Variants in TASP1 observed in about 807,000 individuals in gnomAD.
The protein encoded by TASP1 is threonine aspartase 1.
Under a neutral mutation model 56.6 loss-of-function variants are expected in TASP1, and 16 were observed. That is an observed-to-expected ratio of 0.28 (90% CI 0.19 to 0.43). TASP1 has a LOEUF of 0.43. TASP1 is among the 20% of genes least tolerant of loss of function. The pLI, the probability that TASP1 is intolerant of heterozygous loss-of-function variation, is 1.00. For synonymous variants in TASP1, 179 were observed against 184.2 expected (o/e 0.97, Z 0.23); for missense variants, 393 against 511.6 (o/e 0.77, Z 2.24).
chr20:13,273,503 G>A, the TASP1 span, among the ~76,000 whole-genome samples: 3 of 152,054 alleles, frequency 2.0e-5, no homozygotes, highest in East Asian at 3.9e-4. Flanking sequence ...CTCAAAATGC[G>A]GGGATTATAG....
chr20:13,333,838 C>T, the TASP1 span, among the ~76,000 whole-genome samples: 6 of 152,168 alleles, frequency 3.9e-5, no homozygotes, highest in African/African-American at 7.2e-5. Context: ...TTTAGCCTTT[C>T]GTTGAAGACT....
chr20:13,464,847 A>G (rs1375234103), intron 11 of TASP1, among the ~76,000 whole-genome samples: 2 of 152,126 alleles, frequency 1.3e-5, no homozygotes, highest in African/African-American at 4.8e-5. Context: ...GAAGATGCTT[A>G]ACCCTACAGA....
In TASP1 at chr20:13,428,155, G is replaced by A. The variant is rs13042741; in HGVS notation, c.1096+6889C>T. Among the ~76,000 whole-genome samples the A allele has an allele frequency of 3.5e-3, 537 of 152,156 alleles. 1 individual carries two copies. The highest frequency in any genetic ancestry group is 6.2e-3 in the Non-Finnish European group (421 of 68,000). ...ATATGGAATCTGTTTTTCATTGATC[G>A]CCACATTCACTGCTTCCTACTGACC... is the stretch of plus-strand genomic sequence containing the variant. On this transcript the variant is annotated intron_variant, in intron 12 of 13. Coordinates refer to ENST00000337743, the MANE Select transcript of TASP1 (RefSeq NM_017714.3).
At chr20:13,131,408 A>G in the TASP1 span, among the ~76,000 whole-genome samples, 1,553 of 152,278 alleles carry the variant, frequency 0.01, 18 homozygotes, top group African/African-American at 0.035. Context: ...TTCATTGCAA[A>G]TTAAAGGTTG....
chr20:13,287,623 C>G, the TASP1 span, among the ~76,000 whole-genome samples: 1 of 152,144 alleles, frequency 6.6e-6, no homozygotes, highest in Non-Finnish European at 1.5e-5. Context: ...TTTCTCTTTT[C>G]TCACTAAAAT....
At chr20:13,300,759 A>C in the TASP1 span, 1 of 152,236 alleles carries the variant, frequency 6.6e-6, no homozygotes, top group East Asian at 1.9e-4. Flanking sequence ...TAAAAGGCTC[A>C]TTCATTGATT....
chr20:13,544,594 A>C (rs2045741313), intron 8 of TASP1, among the ~76,000 whole-genome samples: 1 of 152,222 alleles, frequency 6.6e-6, no homozygotes, highest in African/African-American at 2.4e-5. Flanking sequence ...TACTGGGCAG[A>C]TTTAAAAATA....
chr20:13,133,502 G>A, the TASP1 span, among the ~76,000 whole-genome samples: 1 of 152,208 alleles, frequency 6.6e-6, no homozygotes, highest in East Asian at 1.9e-4. Flanking sequence ...GGGAGGCTGT[G>A]GTGAGTGGAT....
chr20:13,194,985 A>G, the TASP1 span, among the ~76,000 whole-genome samples: 1 of 152,070 alleles, frequency 6.6e-6, no homozygotes, highest in Non-Finnish European at 1.5e-5. Flanking sequence ...AGCAACCACA[A>G]TTTCTACTAG....
At chr20:13,525,464 C>T (rs2146835326) in intron 10 of TASP1, among the ~76,000 whole-genome samples, 1 of 152,284 alleles carries the variant, frequency 6.6e-6, no homozygotes, top group South Asian at 2.1e-4. Context: ...TTTCTCCTCA[C>T]CCAGTGATGA....
the TASP1 span, among the ~76,000 whole-genome samples, chr20:13,248,027 C>T: frequency 1.3e-5 from 2 of 152,158 alleles, no homozygotes; most frequent in Non-Finnish European, 2.9e-5. Flanking sequence ...TTTCCAAGTG[C>T]TGTGCAAACC....
chr20:13,311,471 A>G, the TASP1 span, among the ~76,000 whole-genome samples: 2 of 152,218 alleles, frequency 1.3e-5, no homozygotes, highest in South Asian at 2.1e-4. Flanking sequence ...TATGTGAAAG[A>G]GATATCTGCA....
Position 13,581,001 on chromosome 20 carries a change from A to T in TASP1, c.404-20T>A. ...TGATTCCTATAAAAAAAAAAAAAAA[A>T]TTGGCAAAAAAGATGTCAGAAATGT... On this transcript the variant is annotated intron_variant, in intron 5 of 13. Transcript: ENST00000337743. The T allele has an allele frequency of 2.5e-6, 4 of 1,573,370 alleles. No individual in the cohort carries two copies. The highest frequency in any genetic ancestry group is 1.1e-5 in the South Asian group (1 of 87,144).
At chr20:13,384,809 C>T (rs2041152372), downstream of TASP1, among the ~76,000 whole-genome samples, 1 of 152,186 alleles carries the variant, frequency 6.6e-6, no homozygotes, top group Non-Finnish European at 1.5e-5. Flanking sequence ...ACACATTAAT[C>T]ATATACACAG....
chr20:13,439,101 T>C (rs926990955), intron 11 of TASP1, among the ~76,000 whole-genome samples: 2 of 152,194 alleles, frequency 1.3e-5, no homozygotes, highest in Non-Finnish European at 2.9e-5. Context: ...AGTGTGGCGA[T>C]TCCTCAGGGA....
the TASP1 span, among the ~76,000 whole-genome samples, chr20:13,114,963 G>A: frequency 1.3e-5 from 2 of 152,308 alleles, no homozygotes; most frequent in African/African-American, 4.8e-5. Flanking sequence ...TGGCTTGCTG[G>A]TTTAAGAATA....
the TASP1 span, among the ~76,000 whole-genome samples, chr20:13,289,079 T>C: frequency 6.6e-6 from 1 of 152,162 alleles, no homozygotes. Flanking sequence ...AGGCAAGATG[T>C]AACTACTTTT....
chr20:13,597,409 T>A (rs2047778925), intron 4 of TASP1, among the ~76,000 whole-genome samples: 2 of 152,134 alleles, frequency 1.3e-5, no homozygotes, highest in Non-Finnish European at 2.9e-5. Flanking sequence ...ATCCATCACA[T>A]AAATAGAACC....
the TASP1 span, among the ~76,000 whole-genome samples, chr20:13,214,396 A>G: frequency 2.6e-5 from 4 of 152,068 alleles, no homozygotes; most frequent in Admixed American, 1.3e-4. Context: ...TAGGTCTACT[A>G]GGTGGCTCTG....
Sources: allele counts gnomAD v4.1 joint callset (sites outside exome capture counted in the v4.1 genomes callset), GRCh38; gene constraint gnomAD v4.1.1; transcripts MANE v1.5; gene names NCBI Gene and HGNC (gene_info 2026-07-23, HGNC 2026-07-21).